The following STARD9 variants were observed in gnomAD, a reference collection of about 807,000 sequenced individuals.
STARD9 encodes the protein stAR-related lipid transfer protein 9.
In STARD9, 346 loss-of-function variants were observed where a neutral mutation model predicts 399.8. That is an observed-to-expected ratio of 0.87 (90% CI 0.79 to 0.95). STARD9 has a LOEUF of 0.95. STARD9 is among the 40% of genes least tolerant of loss of function. The probability of loss-of-function intolerance (pLI) is 0.00; values close to 1 mark genes in which losing one functional copy is unlikely to be tolerated. For missense variants in STARD9, 5,832 were observed against 5,667.5 expected, an observed-to-expected ratio of 1.03 and a Z score of -0.93; for synonymous variants, 2,203 against 2,143.5, an observed-to-expected ratio of 1.03 and a Z score of -0.77.
chr15:42,591,067 G>A (rs563498229), intron 3 of STARD9, among the ~76,000 whole-genome samples: 7 of 152,306 alleles, frequency 4.6e-5, no homozygotes, highest in Admixed American at 6.5e-5. Context: ...TGACCTCAGC[G>A]CTGTTGACAT....
chr15:42,575,624 C>A lies in STARD9; in HGVS notation c.-92C>A. 1 of 1,377,208 alleles carries A rather than the reference C, an allele frequency of 7.3e-7. No homozygotes were observed. Among genetic ancestry groups the A allele is most frequent in the Non-Finnish European group, 9.8e-7 (1 of 1,017,454 alleles). The allele number at this position is 1,377,208 out of a possible 1,614,324, so 85.3% of individuals were successfully genotyped here. On this transcript the variant is annotated 5_prime_UTR_variant, in exon 1 of 33. Transcript: ENST00000290607. ...CGTCCCCAGAGGCGCGTGGGGCGGG[C>A]GGGGCTGGGTTGGGGCTGTGTCTGG...
intron 16 of STARD9, chr15:42,670,286 T>C (rs1324865983): frequency 6.6e-6 from 1 of 152,216 alleles, no homozygotes; most frequent in East Asian, 1.9e-4. Flanking sequence ...GCTAGAGTAG[T>C]GTGATGGTGG....
At position 42,649,069 on chromosome 15, in the gene STARD9, G is replaced by A. The variant is rs2059703798; in HGVS notation, c.560-1947G>A. The stretch of plus-strand genomic sequence containing the variant: ...CTTTGAGATGGAGCCTCGCTGTGTT[G>A]CCCAGGCTGGAGTGCAATGGCGCAA... On this transcript the variant is annotated intron_variant, in intron 7 of 32. Transcript: ENST00000290607. Among the ~76,000 whole-genome samples the A allele has an allele frequency of 2.0e-5, 3 of 151,770 alleles. No individual in the cohort carries two copies. The South Asian group carries it at 6.2e-4, about 32-fold the overall frequency.
At chr15:42,578,920 A>G (rs982053114) in intron 1 of STARD9, among the ~76,000 whole-genome samples, 3 of 152,206 alleles carry the variant, frequency 2.0e-5, no homozygotes, top group African/African-American at 7.2e-5. Context: ...GGGTCTTTTC[A>G]TAGTTCAAAA....
intron 3 of STARD9, among the ~76,000 whole-genome samples, chr15:42,625,647 A>ATTTTT (rs11399920): frequency 0.6 from 82,764 of 138,278 alleles, 30,408 homozygotes; most frequent in Non-Finnish European, 0.79. Context: ...TCTTCTTCCT[A>ATTTTT]TTTTTTTTTT....
At chr15:42,660,979 G>T (rs1280825516) in intron 9 of STARD9, among the ~76,000 whole-genome samples, 179 bp from the exon 10 acceptor site, 4 of 151,460 alleles carry the variant, frequency 2.6e-5, no homozygotes, top group Non-Finnish European at 5.9e-5. Context: ...GATGATCCAG[G>T]GCCCTATTGA....
At chr15:42,695,707 A>G (rs2060830138) in intron 25 of STARD9, 36 bp from the exon 26 acceptor site, 1 of 1,526,690 alleles carries the variant, frequency 6.6e-7, no homozygotes, top group Non-Finnish European at 8.8e-7. Context: ...GTGAGGGTGC[A>G]TCAGAAGCTG....
Position 42,689,325 on chromosome 15 carries a change from G to A in STARD9, c.7747G>A (p.Glu2583Lys). The A allele has an allele frequency of 2.0e-6, 3 of 1,537,254 alleles. No homozygotes were observed. Among genetic ancestry groups the A allele is most frequent in the Non-Finnish European group, 2.6e-6 (3 of 1,146,910 alleles). ...TVLSYCETLL[E>K]PECSSRVAGR... is the part of the protein sequence containing the mutation. ...CCTTTCTTACTGTGAAACTTTACTAGAACCCGAATGTTCTTCAAGGGTTGC... is the reference window on the plus strand; with the variant it reads ...CCTTTCTTACTGTGAAACTTTACTAAAACCCGAATGTTCTTCAAGGGTTGC... The change falls in exon 23 of 33, where the codon GAA (glutamate) becomes AAA (lysine). Residue 2583 changes from glutamate to lysine, a missense_variant. By Grantham distance (56) the Glu-to-Lys change is moderately conservative. Around this residue, in one of 2 missense-constraint regions of STARD9, gnomAD observed 5,828 missense variants for 5,651.1 expected, o/e 1.03. Transcript: ENST00000290607.
At chr15:42,643,089 A>G (rs1409015325) in intron 7 of STARD9, among the ~76,000 whole-genome samples, 3 of 151,710 alleles carry the variant, frequency 2.0e-5, no homozygotes. Context: ...TAAAATAAGG[A>G]TGAATTACTA....
intron 3 of STARD9, among the ~76,000 whole-genome samples, chr15:42,593,919 C>T (rs12439524): frequency 0.028 from 4,237 of 151,940 alleles, 135 homozygotes; most frequent in East Asian, 0.13. Context: ...CCGCCCGCCT[C>T]GGCCTCCCAA....
At chr15:42,706,307 G>T (rs999132642) in intron 26 of STARD9, among the ~76,000 whole-genome samples, 3 of 151,966 alleles carry the variant, frequency 2.0e-5, no homozygotes, top group Non-Finnish European at 4.4e-5. Flanking sequence ...TTGTAAATAG[G>T]TTTTTTCGTT....
intron 7 of STARD9, among the ~76,000 whole-genome samples, chr15:42,648,243 A>C (rs895083758): frequency 6.6e-6 from 1 of 151,952 alleles, no homozygotes; most frequent in African/African-American, 2.4e-5. Flanking sequence ...GCTCACTGCA[A>C]CCTCCGCCTC....
rs780445626 is a variant in STARD9 at position 42,686,545 on chromosome 15, A to G, written c.4967A>G (p.His1656Arg). 7.2e-6 allele frequency: 11 copies of G among 1,537,622 alleles called. No homozygotes were observed. The highest frequency in any genetic ancestry group is 7.8e-6 in the Non-Finnish European group (9 of 1,147,010). The change falls in exon 23 of 33, where the codon CAC becomes CGC. Residue 1656 changes from histidine (H) to arginine (R), a missense_variant. Coordinates refer to ENST00000290607, the MANE Select transcript of STARD9 (RefSeq NM_020759.3). ...GATTTTTTCCAGAAGAACGCTTGTC[A>G]CAGTAATGTCACTACAGCCACCAAA... ...DEDFFQKNAC[H>R]SNVTTATKAD...
intron 26 of STARD9, among the ~76,000 whole-genome samples, chr15:42,703,238 A>T (rs2061004643): frequency 6.6e-6 from 1 of 152,122 alleles, no homozygotes; most frequent in Non-Finnish European, 1.5e-5. Flanking sequence ...CAATATTTAT[A>T]TCTTTCTCTA....
rs557715595 is a variant in STARD9, at chr15:42,584,973, C to G, written c.118-548C>G. ...CATGAGTGGAAAGTTTCACAGCTGGCTTCATGTGATGGGTTGCAGCCAAAA... is the reference window on the plus strand; with the variant it reads ...CATGAGTGGAAAGTTTCACAGCTGGGTTCATGTGATGGGTTGCAGCCAAAA... On this transcript the variant is annotated intron_variant, in intron 2 of 32. Transcript: ENST00000290607. Among the ~76,000 whole-genome samples, 3 of 152,284 alleles carry G rather than the reference C, an allele frequency of 2.0e-5. No homozygotes were observed. The South Asian group carries it at 6.2e-4, about 32-fold the overall frequency.
At chr15:42,637,800 G>T in intron 4 of STARD9, 107 bp from the exon 5 acceptor site, 1 of 1,151,418 alleles carries the variant, frequency 8.7e-7, no homozygotes, top group Admixed American at 2.0e-5. Flanking sequence ...GCTAGCACAA[G>T]GAGTCCATGC....
chr15:42,676,658 C>T (rs1253157167), intron 20 of STARD9, among the ~76,000 whole-genome samples: 2 of 152,154 alleles, frequency 1.3e-5, no homozygotes, highest in Admixed American at 1.3e-4. Flanking sequence ...AACACCCTTC[C>T]CAGATCCAGA....
Position 42,691,244 on chromosome 15 carries a change from T to C in STARD9, c.9666T>C (p.Gly3222=). Residue 3222 remains glycine (G), a synonymous_variant, in exon 23 of 33, where the codon GGT becomes GGC. Transcript: ENST00000290607. The stretch of plus-strand genomic sequence containing the variant: ...AGCACAGAGACCAGGCTTCAGGTGG[T>C]GGAGAAGGCTTCGCCCAGGGTGTGA... The part of the protein sequence containing the change: ...EEQHRDQASG[G]GEGFAQGVNP... The C allele has an allele frequency of 6.5e-7, 1 of 1,537,220 alleles. No individual in the cohort carries two copies. The highest frequency in any genetic ancestry group is 8.7e-7 in the Non-Finnish European group (1 of 1,146,882).
At chr15:42,651,516 G>T (rs540285513) in intron 8 of STARD9, among the ~76,000 whole-genome samples, 2 of 152,074 alleles carry the variant, frequency 1.3e-5, no homozygotes, top group African/African-American at 4.8e-5. Flanking sequence ...TTTTGAATCT[G>T]CTATGAATAA....
Sources: gnomAD v4.1 joint callset for allele counts (sites outside exome capture counted in the v4.1 genomes callset) on GRCh38, gnomAD v4.1.1 for gene constraint, gnomAD v4.1.1 regional missense constraint, MANE v1.5 for transcripts, NCBI Gene and HGNC (gene_info 2026-07-23, HGNC 2026-07-21) for gene names.